Variants in PRR16 observed in about 807,000 individuals in gnomAD.
PRR16 encodes protein Largen.
Under a neutral mutation model 18.2 loss-of-function variants are expected in PRR16, and 6 were observed. The observed-to-expected ratio is 0.33, with a 90% CI of 0.18 to 0.65. The LOEUF (loss-of-function observed/expected upper bound fraction) is 0.65. Among genes scored for constraint, PRR16 ranks in the 30% least tolerant of loss-of-function variants. The pLI is 0.74. For synonymous variants in PRR16, 151 were observed against 147.8 expected (o/e 1.02, Z -0.16); for missense variants, 412 against 376.6 (o/e 1.09, Z -0.78).
chr5:120,773,574 A>C, the PRR16 span, among the ~76,000 whole-genome samples: 1 of 152,108 alleles, frequency 6.6e-6, no homozygotes, highest in African/African-American at 2.4e-5. Flanking sequence ...GCCACACCTA[A>C]CTTCAAGTTA....
Position 120,504,384 on chromosome 5 carries a change from AT to A in PRR16, c.159+39743del, listed in dbSNP as rs570926355. 1.1e-4 allele frequency among the ~76,000 whole-genome samples: 17 copies of A among 152,326 alleles called. No homozygotes were observed. The South Asian group carries it at 3.5e-3, about 32-fold the overall frequency. ...AGACAAAACAAAAGGGTCAGGAATT[AT>A]TTTGAATTCCTGCCAAGTGTTTCTT... On this transcript the variant is annotated intron_variant, in intron 1 of 1. Coordinates refer to ENST00000407149, the MANE Select transcript of PRR16 (RefSeq NM_001300783.2).
intron 1 of PRR16, among the ~76,000 whole-genome samples, chr5:120,593,521 GA>G (rs35271361): frequency 3.0e-4 from 45 of 150,046 alleles, no homozygotes; most frequent in Non-Finnish European, 5.3e-4. Flanking sequence ...ACCCTACCAA[GA>G]AAAAAAAAGC....
chr5:120,488,594 A>C (rs2112822192), intron 1 of PRR16, among the ~76,000 whole-genome samples: 1 of 152,216 alleles, frequency 6.6e-6, no homozygotes, highest in East Asian at 1.9e-4. Context: ...CGTTTCAAAA[A>C]ACCAGCTCCT....
chr5:120,683,089 A>G (rs1375436937), intron 1 of PRR16, among the ~76,000 whole-genome samples: 1 of 152,196 alleles, frequency 6.6e-6, no homozygotes, highest in African/African-American at 2.4e-5. Flanking sequence ...CCTAAAGAAT[A>G]CCAGAGAGAT....
intron 1 of PRR16, among the ~76,000 whole-genome samples, chr5:120,586,929 T>G (rs1030276577): frequency 3.3e-5 from 5 of 152,140 alleles, no homozygotes; most frequent in African/African-American, 1.2e-4. Flanking sequence ...CACCAAACAG[T>G]TAGCCAAGTT....
At position 120,635,081 on chromosome 5, in the gene PRR16, C is replaced by G. The variant is rs908460832; in HGVS notation, c.160-50873C>G. On this transcript the variant is annotated intron_variant, in intron 1 of 1. Transcript: ENST00000407149. The stretch of plus-strand genomic sequence containing the variant: ...ATTAAACCAGGAAGTTATAGACTCT[C>G]AGAACAGACCAATAACAAGCAGTAA... 2.0e-5 allele frequency among the ~76,000 whole-genome samples: 3 copies of G among 152,170 alleles called. 1 individual carries two copies. Among genetic ancestry groups the G allele is most frequent in the Admixed American group, 6.5e-5 (1 of 15,274 alleles).
At chr5:120,746,557 C>A in the PRR16 span, among the ~76,000 whole-genome samples, 2 of 152,098 alleles carry the variant, frequency 1.3e-5, no homozygotes, top group African/African-American at 2.4e-5. Flanking sequence ...TTACGAATTT[C>A]TTTCACATGA....
chr5:120,497,829 A>G (rs138436863), intron 1 of PRR16, among the ~76,000 whole-genome samples: 194 of 151,368 alleles, frequency 1.3e-3, no homozygotes, highest in African/African-American at 4.3e-3. Flanking sequence ...ATATTTTTTT[A>G]TTTGAAATTT....
At chr5:120,521,984 C>T (rs537988250) in intron 1 of PRR16, among the ~76,000 whole-genome samples, 1 of 152,282 alleles carries the variant, frequency 6.6e-6, no homozygotes, top group East Asian at 1.9e-4. Flanking sequence ...ATCCATATCC[C>T]TACAAAGGAC....
At chr5:120,762,779 T>A in the PRR16 span, among the ~76,000 whole-genome samples, 1 of 152,332 alleles carries the variant, frequency 6.6e-6, no homozygotes. Context: ...GCATTTAATT[T>A]AAAATACTTT....
chr5:120,702,841 G>C, the PRR16 span, among the ~76,000 whole-genome samples: 1 of 152,144 alleles, frequency 6.6e-6, no homozygotes, highest in African/African-American at 2.4e-5. Flanking sequence ...GATCTTCCTT[G>C]GGCTGGTCGG....
At chr5:120,527,212 A>T (rs903284023) in intron 1 of PRR16, among the ~76,000 whole-genome samples, 9 of 152,218 alleles carry the variant, frequency 5.9e-5, no homozygotes, top group African/African-American at 2.2e-4. Flanking sequence ...ACAAATTTCC[A>T]CAATTTTAAT....
At chr5:120,555,567 T>G (rs74911368) in intron 1 of PRR16, among the ~76,000 whole-genome samples, 140 of 151,772 alleles carry the variant, frequency 9.2e-4, no homozygotes, top group African/African-American at 3.3e-3. Flanking sequence ...ATCTCTCTTC[T>G]TCAAGAACAC....
chr5:120,491,307 G>C (rs1189772278), intron 1 of PRR16, among the ~76,000 whole-genome samples: 2 of 152,110 alleles, frequency 1.3e-5, no homozygotes, highest in African/African-American at 4.8e-5. Flanking sequence ...TGGGAAATCT[G>C]TAAGCCTGAT....
intron 1 of PRR16, among the ~76,000 whole-genome samples, chr5:120,484,789 T>A (rs1464507947): frequency 6.6e-6 from 1 of 150,724 alleles, no homozygotes; most frequent in African/African-American, 2.4e-5. Context: ...ATAAAATGTG[T>A]CATATATATT....
At chr5:120,542,625 A>G (rs1306181397) in intron 1 of PRR16, among the ~76,000 whole-genome samples, 1 of 152,212 alleles carries the variant, frequency 6.6e-6, no homozygotes, top group Non-Finnish European at 1.5e-5. Flanking sequence ...AAAAAATGAG[A>G]TAGAGATTAA....
chr5:120,491,078 C>G (rs1254700668), intron 1 of PRR16, among the ~76,000 whole-genome samples: 1 of 152,130 alleles, frequency 6.6e-6, no homozygotes, highest in Non-Finnish European at 1.5e-5. Flanking sequence ...GGGGTGCCTC[C>G]CAGTTAGGCT....
intron 1 of PRR16, among the ~76,000 whole-genome samples, chr5:120,650,059 A>C (rs1330981688): frequency 4.6e-5 from 7 of 151,926 alleles, no homozygotes; most frequent in Non-Finnish European, 8.8e-5. Flanking sequence ...CTCTACAAAA[A>C]ATGCAAAAAT....
the PRR16 span, among the ~76,000 whole-genome samples, chr5:120,705,352 A>G: frequency 1.3e-5 from 2 of 151,936 alleles, no homozygotes; most frequent in Admixed American, 1.3e-4. Context: ...TCTCCCTCAA[A>G]TTTTTTTCTA....
Sources: gnomAD v4.1 joint callset for allele counts (sites outside exome capture counted in the v4.1 genomes callset) on GRCh38, gnomAD v4.1.1 for gene constraint, MANE v1.5 for transcripts, NCBI Gene and HGNC (gene_info 2026-07-23, HGNC 2026-07-21) for gene names.